The following TMEM132D variants were observed in gnomAD, a reference collection of about 807,000 sequenced individuals.
The protein encoded by TMEM132D is transmembrane protein 132D.
A neutral mutation model predicts 62.3 loss-of-function variants in TMEM132D; 21 were observed. The observed-to-expected ratio is 0.34, with a 90% CI of 0.24 to 0.49. The LOEUF is 0.49. Among genes scored for constraint, TMEM132D ranks in the 20% least tolerant of loss-of-function variants. The pLI is 0.99. For synonymous variants in TMEM132D, 621 were observed against 575.6 expected, an observed-to-expected ratio of 1.08 and a Z score of -1.13; for missense variants, 1,346 against 1,402.8, an observed-to-expected ratio of 0.96 and a Z score of 0.65.
chr12:129,598,813 C>T (rs1878412791), intron 2 of TMEM132D, among the ~76,000 whole-genome samples: 1 of 152,180 alleles, frequency 6.6e-6, no homozygotes, highest in Admixed American at 6.5e-5. Flanking sequence ...TCTGATACCA[C>T]AAGCTGTATT....
intron 1 of TMEM132D, among the ~76,000 whole-genome samples, chr12:129,838,920 C>T (rs1037775590): frequency 1.3e-5 from 2 of 150,508 alleles, no homozygotes; most frequent in African/African-American, 4.9e-5. Flanking sequence ...TTTTGGAGGT[C>T]AGTTAAGAAT....
At chr12:129,792,688 G>T (rs1871434976) in intron 1 of TMEM132D, among the ~76,000 whole-genome samples, 1 of 152,166 alleles carries the variant, frequency 6.6e-6, no homozygotes, top group Non-Finnish European at 1.5e-5. Flanking sequence ...TTCTTTCCTT[G>T]AGAGCTTTGT....
At chr12:129,723,352 T>C (rs1868913314) in intron 1 of TMEM132D, among the ~76,000 whole-genome samples, 4 of 152,174 alleles carry the variant, frequency 2.6e-5, no homozygotes, top group African/African-American at 4.8e-5. Context: ...GGTAGCTCTG[T>C]CTGTCCATGC....
intron 2 of TMEM132D, among the ~76,000 whole-genome samples, chr12:129,560,562 G>A (rs140135035): frequency 1.7e-4 from 26 of 152,116 alleles, no homozygotes; most frequent in South Asian, 1.0e-3. Context: ...GAGCCACTGC[G>A]CCCGGCCAGC....
intron 3 of TMEM132D, among the ~76,000 whole-genome samples, chr12:129,456,462 A>G (rs1382753780): frequency 6.6e-6 from 1 of 152,120 alleles, no homozygotes; most frequent in African/African-American, 2.4e-5. Flanking sequence ...CAACCCAAAT[A>G]TCTTCACTTC....
Position 129,658,350 on chromosome 12 carries a change from C to A in TMEM132D, c.968+41460G>T, listed in dbSNP as rs571511050. ...TCTCCTACAAAGCTTCAACAAATCC[C>A]CTTAGCCTAAGAGGGGGTGTATTAC... On this transcript the variant is annotated intron_variant, in intron 2 of 8. Coordinates refer to ENST00000422113, the MANE Select transcript of TMEM132D (RefSeq NM_133448.3). Among the ~76,000 whole-genome samples the A allele has an allele frequency of 2.0e-5, 3 of 152,226 alleles. No homozygotes were observed. In the East Asian group the frequency reaches 5.8e-4, roughly 29 times the overall value.
intron 4 of TMEM132D, among the ~76,000 whole-genome samples, chr12:129,320,323 G>A (rs1161464778): frequency 6.6e-6 from 1 of 152,188 alleles, no homozygotes; most frequent in Non-Finnish European, 1.5e-5. Flanking sequence ...ATCAACCCAA[G>A]AGTATCTGGA....
intron 4 of TMEM132D, among the ~76,000 whole-genome samples, chr12:129,237,967 A>G (rs1285264628): frequency 6.6e-6 from 1 of 152,180 alleles, no homozygotes; most frequent in Non-Finnish European, 1.5e-5. Flanking sequence ...AATCAGGTCA[A>G]GGTGATTGCT....
chr12:129,581,741 T>A (rs1426406557), intron 2 of TMEM132D, among the ~76,000 whole-genome samples: 3 of 152,210 alleles, frequency 2.0e-5, no homozygotes, highest in African/African-American at 7.2e-5. Flanking sequence ...TCCTAGTCCA[T>A]TGACTCAAAT....
chr12:129,164,944 A>G (rs1368593666), intron 5 of TMEM132D, among the ~76,000 whole-genome samples: 1 of 152,208 alleles, frequency 6.6e-6, no homozygotes, highest in Non-Finnish European at 1.5e-5. Context: ...CATATAGAAC[A>G]TTCATACCAG....
At chr12:129,504,562 A>C (rs1875271728) in intron 3 of TMEM132D, among the ~76,000 whole-genome samples, 1 of 152,100 alleles carries the variant, frequency 6.6e-6, no homozygotes, top group African/African-American at 2.4e-5. Flanking sequence ...CTGTGGTGTC[A>C]GTTGTAATAT....
At chr12:129,795,340 G>C (rs1191906778) in intron 1 of TMEM132D, among the ~76,000 whole-genome samples, 4 of 152,162 alleles carry the variant, frequency 2.6e-5, no homozygotes, top group Non-Finnish European at 5.9e-5. Context: ...CGTTTCCCAA[G>C]CAAAAGCTGC....
At chr12:129,194,307 G>T (rs1316427282) in intron 5 of TMEM132D, among the ~76,000 whole-genome samples, 1 of 152,132 alleles carries the variant, frequency 6.6e-6, no homozygotes, top group East Asian at 1.9e-4. Context: ...ACTCTTTTCT[G>T]AACTGGACTG....
intron 5 of TMEM132D, among the ~76,000 whole-genome samples, chr12:129,154,072 C>A (rs1334817947): frequency 6.6e-6 from 1 of 152,176 alleles, no homozygotes; most frequent in African/African-American, 2.4e-5. Context: ...GTGACACAGG[C>A]GTTTCATCAT....
chr12:129,370,359 C>T (rs900260), intron 3 of TMEM132D, among the ~76,000 whole-genome samples: 1 of 151,920 alleles, frequency 6.6e-6, no homozygotes, highest in East Asian at 1.9e-4. Context: ...AAATGAGGCC[C>T]GCCTGTTTGG....
At chr12:129,757,898 GTTTTA>G (rs778741700) in intron 1 of TMEM132D, among the ~76,000 whole-genome samples, 45 of 151,944 alleles carry the variant, frequency 3.0e-4, no homozygotes, top group African/African-American at 8.9e-4. Context: ...CTTTATTTTT[GTTTTA>G]TTTTATTTTA....
At chr12:129,245,492 A>G (rs1880072481) in intron 4 of TMEM132D, among the ~76,000 whole-genome samples, 1 of 152,092 alleles carries the variant, frequency 6.6e-6, no homozygotes, top group African/African-American at 2.4e-5. Context: ...AGTTTTGGCA[A>G]TTATGAATAA....
intron 2 of TMEM132D, among the ~76,000 whole-genome samples, chr12:129,570,877 G>A (rs1415386072): frequency 6.6e-6 from 1 of 152,154 alleles, no homozygotes; most frequent in Non-Finnish European, 1.5e-5. Context: ...CATGAACGAG[G>A]AGATCCCTGA....
chr12:129,767,460 G>A (rs769825216), intron 1 of TMEM132D, among the ~76,000 whole-genome samples: 7 of 152,006 alleles, frequency 4.6e-5, no homozygotes, highest in African/African-American at 7.2e-5. Flanking sequence ...TTTCATCTTC[G>A]GAAACTGAAA....
Sources: gnomAD v4.1 joint callset for allele counts (sites outside exome capture counted in the v4.1 genomes callset) on GRCh38, gnomAD v4.1.1 for gene constraint, MANE v1.5 for transcripts, NCBI Gene and HGNC (gene_info 2026-07-23, HGNC 2026-07-21) for gene names.